RAB7A: variants seen among roughly 807,000 people sequenced by gnomAD.
The protein encoded by RAB7A is ras-related protein Rab-7a.
Under a neutral mutation model 24.5 loss-of-function variants are expected in RAB7A, and 2 were observed. The ratio of observed to expected loss-of-function variants is 0.08; its 90% CI spans 0.03 to 0.26. RAB7A has a LOEUF of 0.26. RAB7A is among the 10% of genes least tolerant of loss of function. The probability of loss-of-function intolerance (pLI) is 1.00; values close to 1 mark genes in which losing one functional copy is unlikely to be tolerated. For missense variants in RAB7A, 118 were observed against 255.7 expected (o/e 0.46, Z 3.67); for synonymous variants, 100 against 95.9 (o/e 1.04, Z -0.25).
chr3:128,747,202 G>A lies in RAB7A; in HGVS notation c.-9+20843G>A, dbSNP rs149396670. On this transcript the variant is annotated intron_variant, in intron 1 of 5. Transcript: ENST00000265062. ...AGCTACTTGTGAGGATCAGGCAAGA[G>A]TATTGCTTGAGCCCAGAAGTTTGAG... 2.3e-3 allele frequency among the ~76,000 whole-genome samples: 343 copies of A among 151,678 alleles called. 1 individual carries two copies. The highest frequency in any genetic ancestry group is 6.8e-3 in the South Asian group (33 of 4,824).
At chr3:128,749,608 T>C (rs1255841528) in intron 1 of RAB7A, 1 of 152,044 alleles carries the variant, frequency 6.6e-6, no homozygotes, top group Non-Finnish European at 1.5e-5. Flanking sequence ...AGGGACCCGG[T>C]GGGAGGTAAT....
intron 1 of RAB7A, among the ~76,000 whole-genome samples, chr3:128,794,261 T>TACTAGTCATCTGCTGTATTC (rs1933522024): frequency 6.6e-6 from 1 of 152,224 alleles, no homozygotes; most frequent in Admixed American, 6.5e-5. Flanking sequence ...GGCCAGTATT[T>TACTAGTCATCTGCTGTATTC]ACTAGTCATC....
chr3:128,811,132 C>G, intron 5 of RAB7A, among the ~76,000 whole-genome samples: 1 of 145,144 alleles, frequency 6.9e-6, no homozygotes. Flanking sequence ...TTGATTGATT[C>G]TTTTTTTTTT....
chr3:128,744,249 T>C (rs1365105216), intron 1 of RAB7A, among the ~76,000 whole-genome samples: 1 of 151,978 alleles, frequency 6.6e-6, no homozygotes, highest in Non-Finnish European at 1.5e-5. Context: ...AGACCCAGTC[T>C]CAAAAAGATA....
At chr3:128,773,682 A>T (rs1226533106) in intron 1 of RAB7A, among the ~76,000 whole-genome samples, 1 of 152,252 alleles carries the variant, frequency 6.6e-6, no homozygotes, top group Non-Finnish European at 1.5e-5. Context: ...TAGCGAAATC[A>T]GATTGTTGCT....
intron 1 of RAB7A, among the ~76,000 whole-genome samples, chr3:128,733,227 G>A (rs1012280722): frequency 1.3e-5 from 2 of 152,120 alleles, no homozygotes; most frequent in African/African-American, 2.4e-5. Flanking sequence ...TGATGCTTGC[G>A]TAGTGAGTCT....
intron 1 of RAB7A, among the ~76,000 whole-genome samples, chr3:128,793,014 C>A (rs1306265906): frequency 8.6e-5 from 13 of 151,290 alleles, no homozygotes; most frequent in South Asian, 6.3e-4. Context: ...CCATGCCCAG[C>A]TAATTTTGTT....
chr3:128,790,428 A>G (rs1193892146), intron 1 of RAB7A, among the ~76,000 whole-genome samples: 2 of 152,240 alleles, frequency 1.3e-5, no homozygotes, highest in East Asian at 1.9e-4. Flanking sequence ...GTGCTCCTCT[A>G]AGAGTCACAG....
intron 1 of RAB7A, among the ~76,000 whole-genome samples, chr3:128,727,093 T>C (rs2070388075): frequency 6.6e-6 from 1 of 152,262 alleles, no homozygotes; most frequent in Non-Finnish European, 1.5e-5. Flanking sequence ...GCTTGATACC[T>C]AATGGGGTCA....
intron 1 of RAB7A, among the ~76,000 whole-genome samples, chr3:128,761,882 G>A (rs970740705): frequency 3.3e-5 from 5 of 152,242 alleles, no homozygotes; most frequent in African/African-American, 9.6e-5. Context: ...ATTTATGCCT[G>A]CCAAACTGTG....
Position 128,813,738 on chromosome 3 carries a change from T to TA in RAB7A, c.*317dup. ...AAGCCAGCGGTGGAAGTCATTCTGA[T>TA]ATGGAGTTGGCATTGGAAGCTTATT... On this transcript the variant is annotated 3_prime_UTR_variant, in exon 6 of 6. Coordinates refer to ENST00000265062, the MANE Select transcript of RAB7A (RefSeq NM_004637.6). 1 of 417,550 alleles carries TA rather than the reference T, an allele frequency of 2.4e-6. No individual in the cohort carries two copies. The highest frequency in any genetic ancestry group is 4.6e-6 in the Non-Finnish European group (1 of 219,494). 25.9% of individuals were successfully genotyped at this position (417,550 alleles called of 1,614,324 possible).
intron 2 of RAB7A, among the ~76,000 whole-genome samples, chr3:128,796,041 G>A (rs1356376828): frequency 6.6e-6 from 1 of 151,906 alleles, no homozygotes; most frequent in African/African-American, 2.4e-5. Context: ...GTGAGCCACC[G>A]CGCCCGACCC....
rs1458079802 is a variant in RAB7A at position 128,760,488 on chromosome 3, T to C, written c.-9+34129T>C. Among the ~76,000 whole-genome samples, 6 of 152,250 alleles carry C rather than the reference T, an allele frequency of 3.9e-5. No homozygotes were observed. In the East Asian group the frequency reaches 9.6e-4, roughly 24 times the overall value. ...TAGGTTTTATCTTGGAGGATTCTTA[T>C]ATTGATCCTTCCCATATCTCTGTTT... On this transcript the variant is annotated intron_variant, in intron 1 of 5. Transcript: ENST00000265062.
chr3:128,809,213 A>G (rs1400177357), intron 5 of RAB7A, among the ~76,000 whole-genome samples: 1 of 152,174 alleles, frequency 6.6e-6, no homozygotes, highest in Non-Finnish European at 1.5e-5. Context: ...GCCCTTAAGA[A>G]GTTAGATTGT....
intron 1 of RAB7A, among the ~76,000 whole-genome samples, chr3:128,770,321 G>A (rs1040823901): frequency 2.6e-5 from 4 of 152,206 alleles, no homozygotes; most frequent in Non-Finnish European, 4.4e-5. Flanking sequence ...CTTACTTTTC[G>A]TTTGGTGACG....
At chr3:128,726,753 C>T (rs545092230) in intron 1 of RAB7A, among the ~76,000 whole-genome samples, 1 of 152,322 alleles carries the variant, frequency 6.6e-6, no homozygotes, top group East Asian at 1.9e-4. Context: ...CGCCGCCGTG[C>T]CCACCCGGCG....
intron 1 of RAB7A, among the ~76,000 whole-genome samples, chr3:128,762,928 A>G (rs946334466): frequency 4.6e-5 from 7 of 152,132 alleles, no homozygotes; most frequent in African/African-American, 1.2e-4. Flanking sequence ...CTGTTCTTTC[A>G]GTTGAGCTAC....
intron 5 of RAB7A, 28 bp downstream of exon 5, chr3:128,807,699 C>T: frequency 6.2e-7 from 1 of 1,613,842 alleles, no homozygotes; most frequent in Non-Finnish European, 8.5e-7. Context: ...GACCAGCCCA[C>T]TCTGGTGATG....
At position 128,786,078 on chromosome 3, in the gene RAB7A, T is replaced by C. The variant is rs568576925; in HGVS notation, c.-8-9282T>C. Among the ~76,000 whole-genome samples, 6 of 152,320 alleles carry C rather than the reference T, an allele frequency of 3.9e-5. 1 individual carries two copies. The South Asian group carries it at 1.2e-3, about 32-fold the overall frequency. On this transcript the variant is annotated intron_variant, in intron 1 of 5. Transcript: ENST00000265062. The stretch of plus-strand genomic sequence containing the variant: ...ATTCTTGCCCCCTCCCCAGAATGAA[T>C]ATTTTTAGAAACCAAGTGACTCCTG...
Sources: gnomAD v4.1 joint callset for allele counts (sites outside exome capture counted in the v4.1 genomes callset) on GRCh38, gnomAD v4.1.1 for gene constraint, MANE v1.5 for transcripts, NCBI Gene and HGNC (gene_info 2026-07-23, HGNC 2026-07-21) for gene names.